Variants in NEGR1 observed in about 807,000 individuals in gnomAD.
The protein encoded by NEGR1 is neuronal growth regulator 1, also known as IgLON family member 4.
In NEGR1, 10 loss-of-function variants were observed where a neutral mutation model predicts 40.9. That is an observed-to-expected ratio of 0.24 (90% CI 0.15 to 0.42). The LOEUF (loss-of-function observed/expected upper bound fraction) is 0.42, where lower values mean the gene tolerates loss of function less well. Ranked by LOEUF, NEGR1 falls within the 10% of genes least tolerant of loss-of-function variation. The pLI is 1.00. For missense variants in NEGR1, 352 were observed against 438.9 expected, an observed-to-expected ratio of 0.80 and a Z score of 1.77; for synonymous variants, 185 against 166.8, an observed-to-expected ratio of 1.11 and a Z score of -0.84.
At chr1:71,758,394 C>A (rs1655817788) in intron 3 of NEGR1, among the ~76,000 whole-genome samples, 1 of 151,876 alleles carries the variant, frequency 6.6e-6, no homozygotes, top group Non-Finnish European at 1.5e-5. Flanking sequence ...TATTGAATGC[C>A]TACTGTGTAA....
chr1:71,586,854 C>T (rs776000063), intron 6 of NEGR1, among the ~76,000 whole-genome samples: 3 of 152,086 alleles, frequency 2.0e-5, no homozygotes, highest in Admixed American at 6.6e-5. Flanking sequence ...TAGAGAACGA[C>T]TTGATAGGCC....
At chr1:72,062,963 TA>T (rs1235326461) in intron 1 of NEGR1, among the ~76,000 whole-genome samples, 2 of 151,938 alleles carry the variant, frequency 1.3e-5, no homozygotes, top group Admixed American at 6.6e-5. Flanking sequence ...TGAATCTTCA[TA>T]AATCAATGGC....
At chr1:71,612,413 T>A (rs1348117485) in intron 4 of NEGR1, among the ~76,000 whole-genome samples, 1 of 152,168 alleles carries the variant, frequency 6.6e-6, no homozygotes, top group East Asian at 1.9e-4. Context: ...GCATAACTTT[T>A]TTTTTTATCC....
chr1:71,968,093 A>T (rs1260992531), intron 1 of NEGR1, among the ~76,000 whole-genome samples: 2 of 152,216 alleles, frequency 1.3e-5, no homozygotes, highest in Admixed American at 6.5e-5. Context: ...TATCAAGAAT[A>T]TCACTGACTG....
chr1:71,998,446 C>G (rs972163316), intron 1 of NEGR1, among the ~76,000 whole-genome samples: 2 of 151,854 alleles, frequency 1.3e-5, no homozygotes, highest in Non-Finnish European at 2.9e-5. Flanking sequence ...CCTTTCATAA[C>G]AGAAGTCTAA....
Position 71,600,548 on chromosome 1 carries a change from T to C in NEGR1, c.789-7580A>G, listed in dbSNP as rs372188436. Among the ~76,000 whole-genome samples the C allele has an allele frequency of 4.6e-5, 7 of 152,176 alleles. No homozygotes were observed. The East Asian group carries it at 7.8e-4, about 17-fold the overall frequency. ...AGCCAAAGGCAGCCAGGAATGGGTA[T>C]GTGAGTGGAAGGGGCTTACAAACAA... On this transcript the variant is annotated intron_variant, in intron 5 of 6. Coordinates refer to ENST00000357731, the MANE Select transcript of NEGR1 (RefSeq NM_173808.3).
At chr1:72,049,636 A>G (rs1428332924) in intron 1 of NEGR1, among the ~76,000 whole-genome samples, 1 of 151,100 alleles carries the variant, frequency 6.6e-6, no homozygotes, top group African/African-American at 2.4e-5. Flanking sequence ...TCCCATTGTC[A>G]TTGTACACAT....
At chr1:72,082,272 C>T (rs1648033514) in intron 1 of NEGR1, among the ~76,000 whole-genome samples, 2 of 152,086 alleles carry the variant, frequency 1.3e-5, no homozygotes, top group African/African-American at 4.8e-5. Context: ...TGGAAATTGA[C>T]AGCTATTATT....
chr1:71,934,139 T>C (rs1172787064), intron 2 of NEGR1, among the ~76,000 whole-genome samples: 1 of 152,088 alleles, frequency 6.6e-6, no homozygotes, highest in Non-Finnish European at 1.5e-5. Flanking sequence ...ATAAGGCAAC[T>C]TCAGTTTTAG....
intron 1 of NEGR1, among the ~76,000 whole-genome samples, chr1:71,939,046 G>A (rs1168896570): frequency 6.6e-6 from 1 of 152,046 alleles, no homozygotes; most frequent in Non-Finnish European, 1.5e-5. Flanking sequence ...ATGCTTTTCT[G>A]ACTTTACCTC....
chr1:72,031,548 T>G (rs953273107), intron 1 of NEGR1, among the ~76,000 whole-genome samples: 1 of 152,168 alleles, frequency 6.6e-6, no homozygotes, highest in African/African-American at 2.4e-5. Context: ...TATTATTAGC[T>G]TCACAGTTAC....
chr1:71,862,039 G>A (rs1409413438), intron 2 of NEGR1, among the ~76,000 whole-genome samples: 1 of 152,056 alleles, frequency 6.6e-6, no homozygotes, highest in Non-Finnish European at 1.5e-5. Flanking sequence ...ATGTGTTAGA[G>A]AATTTGTTTA....
chr1:71,657,881 A>G (rs943008246), intron 4 of NEGR1, among the ~76,000 whole-genome samples: 5 of 152,246 alleles, frequency 3.3e-5, no homozygotes, highest in Admixed American at 2.6e-4. Context: ...ATTAATAACT[A>G]TAGCAGCACA....
intron 1 of NEGR1, among the ~76,000 whole-genome samples, chr1:72,049,003 T>G (rs1030591975): frequency 2.6e-5 from 4 of 151,410 alleles, no homozygotes; most frequent in Non-Finnish European, 5.9e-5. Flanking sequence ...TATAGTATAA[T>G]GAAATAGGAA....
At chr1:72,255,714 C>T (rs887136504) in intron 1 of NEGR1, among the ~76,000 whole-genome samples, 1 of 151,956 alleles carries the variant, frequency 6.6e-6, no homozygotes, top group Non-Finnish European at 1.5e-5. Flanking sequence ...CCACACCCAG[C>T]AATTCTTTTG....
chr1:71,951,559 C>T (rs1345699595), intron 1 of NEGR1, among the ~76,000 whole-genome samples: 4 of 152,008 alleles, frequency 2.6e-5, no homozygotes, highest in Admixed American at 1.3e-4. Context: ...TTTTTGAGTT[C>T]TGGCCATGCA....
At chr1:71,585,689 T>C (rs932023537) in intron 6 of NEGR1, among the ~76,000 whole-genome samples, 6 of 118,690 alleles carry the variant, frequency 5.1e-5, no homozygotes, top group Middle Eastern at 4.3e-3. Flanking sequence ...CCTCTCCATC[T>C]TTTTTTTTTT....
intron 2 of NEGR1, among the ~76,000 whole-genome samples, chr1:71,805,382 G>T (rs1296536774): frequency 6.6e-6 from 1 of 151,992 alleles, no homozygotes; most frequent in Non-Finnish European, 1.5e-5. Flanking sequence ...CGGCTCAGGG[G>T]GCATCACGGA....
chr1:71,904,771 C>A (rs1368842049), intron 2 of NEGR1, among the ~76,000 whole-genome samples: 1 of 152,098 alleles, frequency 6.6e-6, no homozygotes, highest in African/African-American at 2.4e-5. Context: ...AGAAAGAACT[C>A]AAAATCCAAA....
Sources: allele counts gnomAD v4.1 joint callset (sites outside exome capture counted in the v4.1 genomes callset), GRCh38; gene constraint gnomAD v4.1.1; transcripts MANE v1.5; gene names NCBI Gene and HGNC (gene_info 2026-07-23, HGNC 2026-07-21).